The following KYNU variants were observed in gnomAD, a reference collection of about 807,000 sequenced individuals.
KYNU encodes the protein kynureninase, also known as L-kynurenine hydrolase.
In KYNU, 54 loss-of-function variants were observed where a neutral mutation model predicts 59.2. The observed-to-expected ratio is 0.91, with a 90% CI of 0.73 to 1.14. KYNU has a LOEUF of 1.14. Ranked by LOEUF, KYNU falls within the 50% of genes most tolerant of loss-of-function variation. The pLI is 0.00. For synonymous variants in KYNU, 177 were observed against 192.0 expected (o/e 0.92, Z 0.65); for missense variants, 567 against 554.4 (o/e 1.02, Z -0.23).
At chr2:142,980,205 T>TTATAATGCTAATAATTAGCTTATAATG (rs1685011762) in intron 8 of KYNU, among the ~76,000 whole-genome samples, 1 of 148,908 alleles carries the variant, frequency 6.7e-6, no homozygotes, top group Non-Finnish European at 1.5e-5. Flanking sequence ...AGCTTATAAT[T>TTATAATGCTAATAATTAGCTTATAATG]AGCTTATAAT....
At position 143,052,896 on chromosome 2, in the gene KYNU, A is replaced by T. The variant is rs951253448; in HGVS notation, c.*10724A>T. ...CTGTCCTCCAGAACTCAGGATGGTAAATCCACCACGCACCTGGAAAAGCTG... is the reference window on the plus strand; with the variant it reads ...CTGTCCTCCAGAACTCAGGATGGTATATCCACCACGCACCTGGAAAAGCTG... On this transcript the variant is annotated 3_prime_UTR_variant, in exon 14 of 14. Coordinates refer to ENST00000264170, the MANE Select transcript of KYNU (RefSeq NM_003937.3). 3 of 149,818 alleles carry T rather than the reference A, an allele frequency of 2.0e-5. No homozygotes were observed. The highest frequency in any genetic ancestry group is 7.3e-5 in the African/African-American group (3 of 41,136). The allele number at this position is 149,818 out of a possible 1,614,324, so 9.3% of individuals were successfully genotyped here.
rs749041193 is a variant in KYNU, at chr2:143,040,597, C to T, written c.1211C>T (p.Thr404Ile). The T allele has an allele frequency of 3.7e-6, 6 of 1,611,870 alleles. No individual in the cohort carries two copies. The highest frequency in any genetic ancestry group is 5.1e-6 in the Non-Finnish European group (6 of 1,178,858). ...GTAGAGGAGCGGGGGTGCCAGCTAA[C>T]AATAACATTTTCTGTTCCAAACAAA... ...SHVEERGCQL[T>I]ITFSVPNKDV... The change falls in exon 13 of 14, where the codon ACA (threonine) becomes ATA (isoleucine). Residue 404 changes from threonine to isoleucine, a missense_variant. Thr to Ile is a moderately conservative substitution (Grantham distance 89, BLOSUM62 -1). Transcript: ENST00000264170.
chr2:143,041,851 T>A (rs1379468257), intron 13 of KYNU, among the ~76,000 whole-genome samples, 196 bp from the exon 14 acceptor site: 7 of 152,114 alleles, frequency 4.6e-5, no homozygotes, highest in Non-Finnish European at 5.9e-5. Context: ...CAATCCATTC[T>A]TATTTCTTAA....
chr2:142,950,036 G>A (rs911727596), intron 4 of KYNU, among the ~76,000 whole-genome samples: 15 of 152,188 alleles, frequency 9.9e-5, no homozygotes, highest in South Asian at 4.2e-4. Context: ...GCAGAATGTC[G>A]CCAGTCTCTT....
At chr2:143,028,848 CAAACA>C (rs113934733) in intron 10 of KYNU, among the ~76,000 whole-genome samples, 96,418 of 149,634 alleles carry the variant, frequency 0.64, 31,983 homozygotes, top group Middle Eastern at 0.73. Flanking sequence ...AACTCTGTCT[CAAACA>C]AAACAAAACA....
At position 142,905,588 on chromosome 2, in the gene KYNU, C is replaced by T. The variant is rs990357933; in HGVS notation, c.170-13021C>T. Among the ~76,000 whole-genome samples, 9 of 152,224 alleles carry T rather than the reference C, an allele frequency of 5.9e-5. No individual in the cohort carries two copies. The Middle Eastern group carries it at 0.01, about 174-fold the overall frequency. Reference sequence around the variant, plus strand: ...ATCACCGTTTTCTAATAGAATAGCCCGATACTTTAAGATTTTTGAGTTAGT... The same window carrying T: ...ATCACCGTTTTCTAATAGAATAGCCTGATACTTTAAGATTTTTGAGTTAGT... On this transcript the variant is annotated intron_variant, in intron 2 of 13. Coordinates refer to ENST00000264170, the MANE Select transcript of KYNU (RefSeq NM_003937.3).
chr2:142,891,882 T>C (rs1219320263), intron 2 of KYNU, among the ~76,000 whole-genome samples: 2 of 152,084 alleles, frequency 1.3e-5, no homozygotes, highest in African/African-American at 2.4e-5. Context: ...ATTAAGAGTA[T>C]TCCTTAGTTA....
At chr2:143,040,793 A>C in intron 13 of KYNU, 135 bp downstream of exon 13, 1 of 628,374 alleles carries the variant, frequency 1.6e-6, no homozygotes, top group Non-Finnish European at 2.8e-6. Context: ...TTAAGTGCCA[A>C]CTAAGCCCTC....
chr2:142,945,051 G>A (rs1009598586), intron 4 of KYNU, among the ~76,000 whole-genome samples: 3 of 152,212 alleles, frequency 2.0e-5, no homozygotes, highest in African/African-American at 7.2e-5. Flanking sequence ...TTTTGCTGAT[G>A]TGGGTTGTCT....
rs1357283983 is a variant in KYNU, at chr2:142,958,076, T to A, written c.582+361T>A. ...ATTAAAATCATGCTAAAGACCAGAA[T>A]TATTTGTTAAAATGGAATCGTGACT... On this transcript the variant is annotated intron_variant, in intron 7 of 13. Transcript: ENST00000264170. 2.0e-5 allele frequency: 5 copies of A among 250,818 alleles called. No individual in the cohort carries two copies. The Admixed American group carries it at 2.1e-4, about 11-fold the overall frequency. The allele number at this position is 250,818 out of a possible 1,614,324, so 15.5% of individuals were successfully genotyped here. A position where few individuals can be genotyped will look rare whatever the true frequency, so the allele number is the denominator to read the frequency against.
chr2:143,022,464 T>C (rs903939212), intron 10 of KYNU, among the ~76,000 whole-genome samples: 1 of 152,032 alleles, frequency 6.6e-6, no homozygotes, highest in Admixed American at 6.6e-5. Flanking sequence ...AGACTGAATA[T>C]GTATGCAATC....
intron 2 of KYNU, among the ~76,000 whole-genome samples, chr2:142,917,971 G>A (rs1044516197): frequency 5.4e-4 from 82 of 152,180 alleles, no homozygotes; most frequent in African/African-American, 1.9e-3. Context: ...TCTGGACTAC[G>A]TCTTAAGCAC....
chr2:142,949,410 T>C (rs1035722989), intron 4 of KYNU, among the ~76,000 whole-genome samples: 1 of 152,240 alleles, frequency 6.6e-6, no homozygotes, highest in Admixed American at 6.5e-5. Flanking sequence ...ATCCCACCTC[T>C]ACAGCAAACT....
At chr2:143,017,434 C>CTTTTTTTTTTTTTTT (rs1184177776) in intron 10 of KYNU, among the ~76,000 whole-genome samples, 14 of 68,450 alleles carry the variant, frequency 2.0e-4, no homozygotes, top group African/African-American at 2.4e-4. Context: ...TCTCTTTTTT[C>CTTTTTTTTTTTTTTT]TTTTTTTTTT....
At chr2:142,990,293 T>C (rs1016354915) in intron 10 of KYNU, among the ~76,000 whole-genome samples, 1 of 151,872 alleles carries the variant, frequency 6.6e-6, no homozygotes, top group Admixed American at 6.6e-5. Context: ...TTGTACAAAT[T>C]TGACAATATG....
At chr2:142,957,846 T>C in intron 7 of KYNU, 131 bp downstream of exon 7, 1 of 655,838 alleles carries the variant, frequency 1.5e-6, no homozygotes, top group South Asian at 1.7e-5. Context: ...GGACCTATAC[T>C]TCTGTTACTA....
chr2:142,912,371 CTTTTTTTTTTTTTTTT>C (rs60854220), intron 2 of KYNU, among the ~76,000 whole-genome samples: 5 of 89,512 alleles, frequency 5.6e-5, no homozygotes, highest in African/African-American at 1.8e-4. Context: ...TTTTGTATTT[CTTTTTTTTTTTTTTTT>C]TTTTTTTTTG....
chr2:142,959,173 G>C (rs1179491242), intron 7 of KYNU, among the ~76,000 whole-genome samples: 4 of 151,888 alleles, frequency 2.6e-5, no homozygotes, highest in Non-Finnish European at 5.9e-5. Flanking sequence ...AGAGTAATTG[G>C]CAAATACCAA....
intron 4 of KYNU, among the ~76,000 whole-genome samples, chr2:142,937,296 T>TG (rs1038886164): frequency 6.6e-6 from 1 of 151,492 alleles, no homozygotes. Flanking sequence ...CTTACAATAG[T>TG]GAAAAAAAAA....
Sources: gnomAD v4.1 joint callset for allele counts (sites outside exome capture counted in the v4.1 genomes callset) on GRCh38, gnomAD v4.1.1 for gene constraint, MANE v1.5 for transcripts, NCBI Gene and HGNC (gene_info 2026-07-23, HGNC 2026-07-21) for gene names.